Variants in PGM5 observed in about 807,000 individuals in gnomAD.
PGM5 encodes the protein phosphoglucomutase 5.
PGM5 carries 23 observed loss-of-function variants against 59.2 expected under a neutral mutation model. The ratio of observed to expected loss-of-function variants is 0.39; its 90% CI spans 0.28 to 0.55. PGM5 has a LOEUF of 0.55. PGM5 is among the 20% of genes least tolerant of loss of function. The pLI, the probability that PGM5 is intolerant of heterozygous loss-of-function variation, is 0.66. For synonymous variants in PGM5, 214 were observed against 286.0 expected, an observed-to-expected ratio of 0.75 and a Z score of 2.54; for missense variants, 574 against 748.3, an observed-to-expected ratio of 0.77 and a Z score of 2.72.
In PGM5 at chr9:68,514,584, G is replaced by C. The variant is rs1824798228; in HGVS notation, c.1615-14983G>C. Among the ~76,000 whole-genome samples the C allele has an allele frequency of 2.0e-5, 3 of 152,096 alleles. No homozygotes were observed. The South Asian group carries it at 6.2e-4, about 32-fold the overall frequency. On this transcript the variant is annotated intron_variant, in intron 10 of 10. Transcript: ENST00000396396. ...TGCACCACTGCACTCCAGCTTGTGT[G>C]ACAGAGTGAGACTCCATCTCAAAAA...
At chr9:68,433,018 C>T (rs1823380707) in intron 6 of PGM5, among the ~76,000 whole-genome samples, 1 of 152,136 alleles carries the variant, frequency 6.6e-6, no homozygotes. Flanking sequence ...CAATTTTGCA[C>T]TATATATACA....
intron 1 of PGM5, among the ~76,000 whole-genome samples, chr9:68,371,111 T>G (rs1821709063): frequency 1.3e-5 from 2 of 152,002 alleles, no homozygotes; most frequent in South Asian, 4.2e-4. Flanking sequence ...CGCGTGGGAG[T>G]TGAAGGAAAT....
intron 1 of PGM5, among the ~76,000 whole-genome samples, chr9:68,376,703 G>C (rs1238015779): frequency 6.6e-6 from 1 of 152,092 alleles, no homozygotes; most frequent in African/African-American, 2.4e-5. Flanking sequence ...GAAGAGAGGA[G>C]AGGATCTTAT....
chr9:68,508,251 C>T (rs1418199577), intron 10 of PGM5, among the ~76,000 whole-genome samples: 3 of 152,058 alleles, frequency 2.0e-5, no homozygotes, highest in Admixed American at 6.6e-5. Context: ...CAGCTTATCC[C>T]GAGAACCAGT....
intron 10 of PGM5, among the ~76,000 whole-genome samples, chr9:68,527,588 G>T (rs1396900304): frequency 6.6e-6 from 1 of 152,210 alleles, no homozygotes; most frequent in Non-Finnish European, 1.5e-5. Flanking sequence ...AAATGTGCCA[G>T]TGTAAAATGT....
intron 1 of PGM5, among the ~76,000 whole-genome samples, chr9:68,377,089 G>A (rs1821940223): frequency 6.6e-6 from 1 of 151,776 alleles, no homozygotes; most frequent in African/African-American, 2.4e-5. Context: ...ACCATGCTCA[G>A]CTAATTTTTG....
At chr9:68,422,160 G>T (rs1554682387) in intron 6 of PGM5, among the ~76,000 whole-genome samples, 1 of 151,788 alleles carries the variant, frequency 6.6e-6, no homozygotes, top group African/African-American at 2.4e-5. Flanking sequence ...ACTTTTGATA[G>T]ACCAAGTAGC....
At chr9:68,385,900 C>T (rs1433807554) in intron 3 of PGM5, among the ~76,000 whole-genome samples, 3 of 151,938 alleles carry the variant, frequency 2.0e-5, no homozygotes, top group African/African-American at 4.8e-5. Context: ...TGGAGATAAT[C>T]GTTTGGGATA....
chr9:68,492,256 G>A (rs1322988073), intron 9 of PGM5, among the ~76,000 whole-genome samples: 1 of 152,184 alleles, frequency 6.6e-6, no homozygotes, highest in African/African-American at 2.4e-5. Flanking sequence ...GGGATCAGCA[G>A]TCATTGGCCA....
At chr9:68,446,750 A>G (rs1208223376) in intron 6 of PGM5, among the ~76,000 whole-genome samples, 1 of 152,200 alleles carries the variant, frequency 6.6e-6, no homozygotes, top group Non-Finnish European at 1.5e-5. Context: ...GAGGAATAAA[A>G]GTGTTTATTC....
At chr9:68,395,170 G>A (rs868951268) in intron 6 of PGM5, among the ~76,000 whole-genome samples, 1 of 152,048 alleles carries the variant, frequency 6.6e-6, no homozygotes, top group African/African-American at 2.4e-5. Flanking sequence ...CACGGTATAA[G>A]GTAGGGGTCG....
At chr9:68,388,623 T>G (rs1168419964) in intron 4 of PGM5, among the ~76,000 whole-genome samples, 1 of 151,534 alleles carries the variant, frequency 6.6e-6, no homozygotes, top group Non-Finnish European at 1.5e-5. Flanking sequence ...TAGGTAAATA[T>G]TTTGTGTATT....
chr9:68,478,389 G>A lies in PGM5; in HGVS notation c.1160-1029G>A, dbSNP rs139975448. 3.1e-3 allele frequency among the ~76,000 whole-genome samples: 477 copies of A among 152,270 alleles called. 2 individuals are homozygous for A. Among genetic ancestry groups the A allele is most frequent in the Non-Finnish European group, 4.9e-3 (331 of 68,026 alleles). ...TGGAATACGTCATCCCCAGATCTTG[G>A]CATGTCTGACTTCTTCTCAGGGGTT... On this transcript the variant is annotated intron_variant, in intron 7 of 10. Transcript: ENST00000396396.
chr9:68,482,271 C>T (rs1024569316), intron 8 of PGM5, among the ~76,000 whole-genome samples: 1 of 152,242 alleles, frequency 6.6e-6, no homozygotes, highest in Admixed American at 6.5e-5. Flanking sequence ...AGACTCTCTT[C>T]TCCTGTCTTC....
chr9:68,424,868 C>G (rs1554682596), intron 6 of PGM5, among the ~76,000 whole-genome samples: 2 of 152,120 alleles, frequency 1.3e-5, no homozygotes, highest in Non-Finnish European at 2.9e-5. Flanking sequence ...CTTGCAAAAC[C>G]AGACACCATG....
At chr9:68,493,768 C>T (rs143909947) in intron 9 of PGM5, among the ~76,000 whole-genome samples, 1 of 152,326 alleles carries the variant, frequency 6.6e-6, no homozygotes, top group East Asian at 1.9e-4. Flanking sequence ...ATTCTTGTAT[C>T]ATTTCCAAAC....
intron 6 of PGM5, among the ~76,000 whole-genome samples, chr9:68,402,143 A>G (rs1370961953): frequency 2.6e-5 from 4 of 152,088 alleles, no homozygotes; most frequent in African/African-American, 7.2e-5. Context: ...GCAGGCTTGT[A>G]ATCCCAGCTA....
intron 6 of PGM5, among the ~76,000 whole-genome samples, chr9:68,459,478 T>C (rs1554685202): frequency 6.6e-6 from 1 of 152,206 alleles, no homozygotes; most frequent in Non-Finnish European, 1.5e-5. Context: ...TGGGTCTGGC[T>C]TATTTTACTC....
At position 68,420,858 on chromosome 9, in the gene PGM5, A is replaced by G. The variant is rs373707696; in HGVS notation, c.1043+28385A>G. 8.5e-5 allele frequency among the ~76,000 whole-genome samples: 13 copies of G among 152,342 alleles called. No homozygotes were observed. In the East Asian group the frequency reaches 1.2e-3, roughly 14 times the overall value. ...ATAAAATGAAGATGTAAATGCCTCA[A>G]TTGCCTCATGTGGTGGTTATGAAAG... On this transcript the variant is annotated intron_variant, in intron 6 of 10. Transcript: ENST00000396396.
Sources: gnomAD v4.1 joint callset for allele counts (sites outside exome capture counted in the v4.1 genomes callset) on GRCh38, gnomAD v4.1.1 for gene constraint, MANE v1.5 for transcripts, NCBI Gene and HGNC (gene_info 2026-07-23, HGNC 2026-07-21) for gene names.